EYS: variants seen among roughly 807,000 people sequenced by gnomAD.
The protein encoded by EYS is EGF-like photoreceptor maintenance factor.
EYS carries 250 observed loss-of-function variants against 282.1 expected under a neutral mutation model. The observed-to-expected ratio is 0.89, with a 90% CI of 0.80 to 0.98. EYS has a LOEUF of 0.98. Ranked by LOEUF, EYS falls within the 50% of genes least tolerant of loss-of-function variation. The pLI is 0.00. For synonymous variants in EYS, 1,355 were observed against 1,282.9 expected (o/e 1.06, Z -1.20); for missense variants, 4,016 against 3,709.0 (o/e 1.08, Z -2.15).
At chr6:64,325,353 T>G (rs551768383) in intron 29 of EYS, among the ~76,000 whole-genome samples, 1 of 151,988 alleles carries the variant, frequency 6.6e-6, no homozygotes, top group Admixed American at 6.5e-5. Context: ...GCCACATTCA[T>G]AGGAAAAGGG....
intron 22 of EYS, among the ~76,000 whole-genome samples, chr6:64,657,537 T>C (rs1360078005): frequency 2.6e-5 from 4 of 152,224 alleles, no homozygotes; most frequent in African/African-American, 4.8e-5. Context: ...GGAGCTCTTT[T>C]AGGGCAGGCC....
chr6:65,554,314 C>G (rs1478952110), intron 2 of EYS, among the ~76,000 whole-genome samples: 1 of 152,110 alleles, frequency 6.6e-6, no homozygotes, highest in Non-Finnish European at 1.5e-5. Context: ...ACCTATCAAG[C>G]AATTATTTGA....
In EYS at chr6:63,732,138, G is replaced by A. The variant is rs539028866; in HGVS notation, c.8072-5458C>T. 7.2e-5 allele frequency among the ~76,000 whole-genome samples: 11 copies of A among 151,906 alleles called. 1 individual carries two copies. The highest frequency in any genetic ancestry group is 3.9e-4 in the East Asian group (2 of 5,168). The stretch of plus-strand genomic sequence containing the variant: ...GAGAATTATCTGTGCACATGTGAGC[G>A]TATCATAAAACAGCTGACCTCCTAA... On this transcript the variant is annotated intron_variant, in intron 41 of 42. Transcript: ENST00000503581.
intron 26 of EYS, among the ~76,000 whole-genome samples, chr6:64,504,249 C>G (rs1721791518): frequency 1.3e-5 from 2 of 152,122 alleles, no homozygotes; most frequent in African/African-American, 2.4e-5. Context: ...GAATGATCAT[C>G]ATCCTTGCTT....
intron 15 of EYS, among the ~76,000 whole-genome samples, chr6:64,933,332 C>T (rs567579342): frequency 8.7e-4 from 133 of 152,088 alleles, no homozygotes; most frequent in African/African-American, 3.1e-3. Context: ...AGGATAGGAA[C>T]AGATACTTCT....
chr6:64,617,409 A>T lies in EYS; in HGVS notation c.3684+9T>A. 1 of 1,503,406 alleles carries T rather than the reference A, an allele frequency of 6.7e-7. No homozygotes were observed. Among genetic ancestry groups the T allele is most frequent in the Non-Finnish European group, 9.1e-7 (1 of 1,103,086 alleles). The allele number at this position is 1,503,406 out of a possible 1,614,324, so 93.1% of individuals were successfully genotyped here. On this transcript the variant is annotated intron_variant, in intron 24 of 42. Coordinates refer to ENST00000503581, the MANE Select transcript of EYS (RefSeq NM_001142800.2). ...AATTATTACAACCACAACCACCAGT[A>T]ATCTTTACCATAAATCCAGGTGTGC...
At position 63,721,462 on chromosome 6, in the gene EYS, C is replaced by A; in HGVS notation, c.8569G>T (p.Glu2857Ter). The change falls in exon 43 of 43, where the codon GAA (glutamate) becomes TAA (stop). Residue 2857 changes from glutamate to a stop codon, truncating the protein, a stop_gained. Transcript: ENST00000503581. LOFTEE classifies it low-confidence loss of function (END_TRUNC). ...CIRQVIINNQ[E>*]LQLTEFGAKG... ...GCTCCAAATTCAGTTAATTGTAATT[C>A]TTGATTATTTATGATAACTTGTCGG... The A allele has an allele frequency of 6.4e-7, 1 of 1,551,572 alleles. No homozygotes were observed. The highest frequency in any genetic ancestry group is 8.7e-7 in the Non-Finnish European group (1 of 1,146,870).
chr6:63,887,696 C>T (rs1406514389), intron 35 of EYS, among the ~76,000 whole-genome samples: 1 of 152,202 alleles, frequency 6.6e-6, no homozygotes, highest in Non-Finnish European at 1.5e-5. Context: ...CCCACGTCAC[C>T]AGGGCCCTAG....
chr6:65,377,920 C>T (rs1157566009), intron 8 of EYS, among the ~76,000 whole-genome samples: 1 of 152,042 alleles, frequency 6.6e-6, no homozygotes, highest in Non-Finnish European at 1.5e-5. Flanking sequence ...TAATACCCTA[C>T]CAACCAAAAA....
At chr6:64,363,017 G>A (rs1772068123) in intron 29 of EYS, among the ~76,000 whole-genome samples, 1 of 132,222 alleles carries the variant, frequency 7.6e-6, no homozygotes, top group African/African-American at 2.9e-5. Flanking sequence ...TTTTTGTGCA[G>A]TGTGTGATCA....
intron 41 of EYS, among the ~76,000 whole-genome samples, chr6:63,742,273 A>C (rs1582161867): frequency 6.6e-6 from 1 of 151,806 alleles, no homozygotes; most frequent in African/African-American, 2.4e-5. Context: ...CTTGGTGTGC[A>C]CCTCTGTTCC....
intron 22 of EYS, among the ~76,000 whole-genome samples, chr6:64,724,179 A>G (rs1771678666): frequency 6.6e-6 from 1 of 152,090 alleles, no homozygotes; most frequent in African/African-American, 2.4e-5. Flanking sequence ...GATTGTAGGT[A>G]AAGTCGGTTA....
intron 12 of EYS, among the ~76,000 whole-genome samples, chr6:65,225,490 C>G (rs1464100030): frequency 6.6e-6 from 1 of 151,390 alleles, no homozygotes; most frequent in Non-Finnish European, 1.5e-5. Flanking sequence ...TCGAGGCGGG[C>G]AGATCATGAG....
At chr6:64,137,050 G>T (rs1774185278) in intron 31 of EYS, among the ~76,000 whole-genome samples, 4 of 152,130 alleles carry the variant, frequency 2.6e-5, no homozygotes, top group Admixed American at 2.6e-4. Flanking sequence ...AATGATCTTA[G>T]ATACATCTTC....
intron 2 of EYS, among the ~76,000 whole-genome samples, chr6:65,559,399 G>T (rs1768943988): frequency 6.6e-6 from 1 of 151,886 alleles, no homozygotes; most frequent in South Asian, 2.1e-4. Context: ...AAAAAGAAAA[G>T]AAAGAAAAGA....
At chr6:65,499,219 A>T (rs976074570) in intron 2 of EYS, among the ~76,000 whole-genome samples, 2 of 152,064 alleles carry the variant, frequency 1.3e-5, no homozygotes, top group Non-Finnish European at 2.9e-5. Context: ...TTTCACAAAC[A>T]GCTGTCATCT....
chr6:64,758,090 T>C (rs1773015771), intron 22 of EYS, among the ~76,000 whole-genome samples: 3 of 152,042 alleles, frequency 2.0e-5, no homozygotes, highest in Non-Finnish European at 4.4e-5. Context: ...ATTAATTTCT[T>C]AACACGTCAA....
chr6:64,952,638 A>G (rs781452407), intron 14 of EYS, among the ~76,000 whole-genome samples: 2 of 151,988 alleles, frequency 1.3e-5, no homozygotes, highest in Non-Finnish European at 2.9e-5. Flanking sequence ...CCACCTGCAA[A>G]TGTCAAAACA....
intron 12 of EYS, among the ~76,000 whole-genome samples, chr6:65,201,625 A>T (rs1765903780): frequency 6.6e-6 from 1 of 152,054 alleles, no homozygotes; most frequent in South Asian, 2.1e-4. Context: ...TTGTTCATTT[A>T]GTGTGAGCTA....
Sources: allele counts gnomAD v4.1 joint callset (sites outside exome capture counted in the v4.1 genomes callset), GRCh38; gene constraint gnomAD v4.1.1; transcripts MANE v1.5; gene names NCBI Gene and HGNC (gene_info 2026-07-23, HGNC 2026-07-21).